The following SYN3 variants were observed in gnomAD, a reference collection of about 807,000 sequenced individuals.
SYN3 encodes the protein synapsin-3.
Under a neutral mutation model 65.8 loss-of-function variants are expected in SYN3, and 35 were observed. The ratio of observed to expected loss-of-function variants is 0.53; its 90% CI spans 0.41 to 0.70. SYN3 has a LOEUF of 0.70. Among genes scored for constraint, SYN3 ranks in the 30% least tolerant of loss-of-function variants. The pLI is 0.00. For synonymous variants in SYN3, 270 were observed against 292.9 expected, an observed-to-expected ratio of 0.92 and a Z score of 0.80; for missense variants, 680 against 749.0, an observed-to-expected ratio of 0.91 and a Z score of 1.08.
At chr22:32,650,470 T>G (rs752873155) in intron 6 of SYN3, among the ~76,000 whole-genome samples, 2 of 152,014 alleles carry the variant, frequency 1.3e-5, no homozygotes, top group Non-Finnish European at 2.9e-5. Context: ...TTCACCATGT[T>G]GCCCCGGCTG....
chr22:32,680,611 C>T (rs2060510081), intron 6 of SYN3, among the ~76,000 whole-genome samples: 1 of 152,172 alleles, frequency 6.6e-6, no homozygotes, highest in Non-Finnish European at 1.5e-5. Flanking sequence ...TAGGTTGACT[C>T]CCTGTTCCAG....
intron 6 of SYN3, among the ~76,000 whole-genome samples, chr22:32,848,103 C>G (rs2048120051): frequency 6.6e-6 from 1 of 152,250 alleles, no homozygotes; most frequent in Non-Finnish European, 1.5e-5. Context: ...CTGAAGACAG[C>G]TCTTGGGTGC....
chr22:32,838,519 G>A (rs940590098), intron 6 of SYN3, among the ~76,000 whole-genome samples: 1 of 152,176 alleles, frequency 6.6e-6, no homozygotes, highest in East Asian at 1.9e-4. Context: ...GGATCTTCAT[G>A]TGTTGGTAGC....
intron 1 of SYN3, among the ~76,000 whole-genome samples, chr22:33,017,067 T>C (rs1032328486): frequency 3.9e-5 from 6 of 152,204 alleles, no homozygotes; most frequent in African/African-American, 1.4e-4. Context: ...TTTAATCTAT[T>C]TTGAGGTGTT....
intron 6 of SYN3, among the ~76,000 whole-genome samples, chr22:32,783,697 G>T (rs1325060520): frequency 6.6e-6 from 1 of 152,184 alleles, no homozygotes; most frequent in Non-Finnish European, 1.5e-5. Flanking sequence ...AAATTCACCA[G>T]AACTCACAGT....
chr22:32,645,244 G>A (rs1276256805), intron 6 of SYN3, among the ~76,000 whole-genome samples: 1 of 152,140 alleles, frequency 6.6e-6, no homozygotes, highest in African/African-American at 2.4e-5. Flanking sequence ...CTGAGGTCGG[G>A]AGTTCGAGAC....
At chr22:32,727,883 T>G (rs7284956) in intron 6 of SYN3, among the ~76,000 whole-genome samples, 19,701 of 152,184 alleles carry the variant, frequency 0.13, 2,250 homozygotes, top group African/African-American at 0.31. Context: ...TGTTAGACCT[T>G]TGTCAGATGG....
intron 7 of SYN3, among the ~76,000 whole-genome samples, chr22:32,544,644 C>A (rs2058310176): frequency 6.6e-6 from 1 of 152,234 alleles, no homozygotes; most frequent in Admixed American, 6.5e-5. Context: ...TTTCTGGCAA[C>A]TTCTTCACAG....
intron 6 of SYN3, among the ~76,000 whole-genome samples, chr22:32,774,990 C>T (rs918308123): frequency 6.6e-6 from 1 of 152,176 alleles, no homozygotes; most frequent in African/African-American, 2.4e-5. Flanking sequence ...CTGAAGAAGG[C>T]CCCCAGCTTC....
At chr22:32,672,652 G>A (rs1254990221) in intron 6 of SYN3, among the ~76,000 whole-genome samples, 4 of 152,190 alleles carry the variant, frequency 2.6e-5, no homozygotes, top group African/African-American at 9.7e-5. Context: ...ACAAAGCCAC[G>A]CTGTCTTGAG....
At chr22:32,537,950 G>A in intron 9 of SYN3, 86 bp downstream of exon 9, 3 of 1,232,130 alleles carry the variant, frequency 2.4e-6, no homozygotes, top group South Asian at 2.5e-5. Flanking sequence ...GGGCGGAGTG[G>A]CCTTCTCTTC....
At chr22:32,782,256 C>CG (rs1225738246) in intron 6 of SYN3, among the ~76,000 whole-genome samples, 1 of 151,536 alleles carries the variant, frequency 6.6e-6, no homozygotes, top group Non-Finnish European at 1.5e-5. Flanking sequence ...TTAATAGAGA[C>CG]GGGGTTTTAC....
Position 32,512,108 on chromosome 22 carries a change from C to A in SYN3, c.*1584G>T, listed in dbSNP as rs138517430. Among the ~76,000 whole-genome samples the A allele has an allele frequency of 1.4e-3, 217 of 152,310 alleles. No individual in the cohort carries two copies. The highest frequency in any genetic ancestry group is 5.0e-3 in the African/African-American group (206 of 41,584). ...AGAAGGAGAGGGTCTCTGGCCCTGA[C>A]GTCACCACTCCAGTTTGGTTTTGAA... On this transcript the variant is annotated 3_prime_UTR_variant, in exon 14 of 14. Coordinates refer to ENST00000358763, the MANE Select transcript of SYN3 (RefSeq NM_003490.4).
At chr22:32,585,915 CATATATGTGTATATACGTATATGTGTAT>C (rs2059018477) in intron 7 of SYN3, among the ~76,000 whole-genome samples, 1 of 59,690 alleles carries the variant, frequency 1.7e-5, no homozygotes, top group African/African-American at 5.7e-5. Flanking sequence ...TGTATGTATA[CATATATGTGTATATACGTATATGTGTAT>C]GTATACATAT....
At chr22:32,797,467 T>C (rs955120660) in intron 6 of SYN3, among the ~76,000 whole-genome samples, 2 of 151,982 alleles carry the variant, frequency 1.3e-5, no homozygotes, top group Admixed American at 6.6e-5. Flanking sequence ...GGAGGTGACA[T>C]CTAAGCTGAG....
chr22:32,923,546 A>G (rs553343010), intron 4 of SYN3, among the ~76,000 whole-genome samples: 4 of 152,326 alleles, frequency 2.6e-5, no homozygotes, highest in Admixed American at 6.5e-5. Flanking sequence ...CTTACAGGCA[A>G]TTTCAATACA....
intron 6 of SYN3, among the ~76,000 whole-genome samples, chr22:32,631,544 G>A (rs2059748144): frequency 6.6e-6 from 1 of 152,162 alleles, no homozygotes; most frequent in African/African-American, 2.4e-5. Context: ...CTTTAAAGCA[G>A]GAAGGACCTT....
At chr22:32,881,056 C>G (rs1039324341) in intron 4 of SYN3, among the ~76,000 whole-genome samples, 5 of 152,200 alleles carry the variant, frequency 3.3e-5, no homozygotes, top group African/African-American at 1.2e-4. Context: ...TGCCTGAGCT[C>G]CAGCGCTGTC....
At chr22:32,857,751 G>A (rs951344431) in intron 6 of SYN3, among the ~76,000 whole-genome samples, 8 of 152,340 alleles carry the variant, frequency 5.3e-5, no homozygotes, top group East Asian at 3.9e-4. Context: ...GGAGTGAAGA[G>A]TTGGCCTCTA....
Sources: gnomAD v4.1 joint callset for allele counts (sites outside exome capture counted in the v4.1 genomes callset) on GRCh38, gnomAD v4.1.1 for gene constraint, MANE v1.5 for transcripts, NCBI Gene and HGNC (gene_info 2026-07-23, HGNC 2026-07-21) for gene names.